EXT2: variants seen among roughly 807,000 people sequenced by gnomAD.
EXT2 encodes the protein exostosin-2.
In EXT2, 53 loss-of-function variants were observed where a neutral mutation model predicts 81.6. The ratio of observed to expected loss-of-function variants is 0.65; its 90% CI spans 0.52 to 0.82. EXT2 has a LOEUF of 0.82. Ranked by LOEUF, EXT2 falls within the 40% of genes least tolerant of loss-of-function variation. EXT2 has a pLI of 0.00. For synonymous variants in EXT2, 320 were observed against 340.0 expected, an observed-to-expected ratio of 0.94 and a Z score of 0.65; for missense variants, 774 against 910.2, an observed-to-expected ratio of 0.85 and a Z score of 1.93.
intron 4 of EXT2, among the ~76,000 whole-genome samples, chr11:44,123,102 G>C (rs972047943): frequency 1.3e-5 from 2 of 152,192 alleles, no homozygotes; most frequent in Admixed American, 6.5e-5. Context: ...TGTATGACTA[G>C]TCTAGCTGGC....
intron 10 of EXT2, among the ~76,000 whole-genome samples, chr11:44,218,708 G>A (rs951446410): frequency 1.3e-5 from 2 of 148,916 alleles, no homozygotes; most frequent in African/African-American, 5.0e-5. Context: ...GCTGTATAAC[G>A]TTTATATTTT....
chr11:44,219,207 A>G (rs1955755114), intron 10 of EXT2, among the ~76,000 whole-genome samples: 1 of 152,182 alleles, frequency 6.6e-6, no homozygotes, highest in Non-Finnish European at 1.5e-5. Context: ...ACCTCCTTTA[A>G]AAACTAGCAG....
At chr11:44,114,103 A>G in intron 3 of EXT2, 82 bp from the exon 4 acceptor site, 4 of 1,214,456 alleles carry the variant, frequency 3.3e-6, no homozygotes, top group Non-Finnish European at 4.9e-6. Flanking sequence ...ATAAAGACTC[A>G]GTAATTCCTG....
chr11:44,216,520 C>T (rs962954161), intron 10 of EXT2, among the ~76,000 whole-genome samples: 2 of 151,904 alleles, frequency 1.3e-5, no homozygotes, highest in African/African-American at 2.4e-5. Flanking sequence ...GAGAGAGAGC[C>T]GAATATGGTG....
chr11:44,210,710 C>T (rs1264771201), intron 10 of EXT2, among the ~76,000 whole-genome samples: 3 of 152,128 alleles, frequency 2.0e-5, no homozygotes, highest in African/African-American at 7.2e-5. Context: ...GTTACTTATA[C>T]TCTAGCAGTA....
chr11:44,129,579 G>A (rs916686425), intron 6 of EXT2, among the ~76,000 whole-genome samples: 2 of 152,210 alleles, frequency 1.3e-5, no homozygotes, highest in African/African-American at 4.8e-5. Context: ...TCACTGTTGG[G>A]TTAGCACATA....
intron 7 of EXT2, among the ~76,000 whole-genome samples, chr11:44,166,276 T>C (rs1181533228): frequency 6.6e-6 from 1 of 152,142 alleles, no homozygotes; most frequent in East Asian, 1.9e-4. Flanking sequence ...TCAGTAAAGG[T>C]TTCATAGGGA....
At chr11:44,193,557 C>G (rs571353813) in intron 8 of EXT2, among the ~76,000 whole-genome samples, 14 of 152,278 alleles carry the variant, frequency 9.2e-5, no homozygotes, top group Middle Eastern at 6.8e-3. Context: ...ACCTGGATTC[C>G]GATTAAGAAC....
chr11:44,213,240 A>G (rs1444396987), intron 10 of EXT2, among the ~76,000 whole-genome samples: 1 of 152,210 alleles, frequency 6.6e-6, no homozygotes, highest in Non-Finnish European at 1.5e-5. Flanking sequence ...AGAAAGCTAA[A>G]TTAGTTAAAT....
chr11:44,225,382 G>A (rs776326617), intron 10 of EXT2, among the ~76,000 whole-genome samples: 1 of 152,156 alleles, frequency 6.6e-6, no homozygotes. Context: ...TCTTTTAATG[G>A]TGTGAGCATA....
chr11:44,202,793 T>A (rs1436979612), intron 9 of EXT2, among the ~76,000 whole-genome samples: 1 of 152,224 alleles, frequency 6.6e-6, no homozygotes, highest in Non-Finnish European at 1.5e-5. Flanking sequence ...TTCTTCATAG[T>A]TGAAGAAGCA....
intron 4 of EXT2, among the ~76,000 whole-genome samples, chr11:44,123,603 C>T (rs927233290): frequency 6.6e-5 from 10 of 152,140 alleles, no homozygotes; most frequent in African/African-American, 1.4e-4. Context: ...GGAGTATTTG[C>T]GTTATACTCT....
intron 7 of EXT2, among the ~76,000 whole-genome samples, chr11:44,131,947 AG>A (rs1954499216): frequency 6.6e-6 from 1 of 152,212 alleles, no homozygotes; most frequent in South Asian, 2.1e-4. Flanking sequence ...CATGTTGGCC[AG>A]GCTGGTCGAA....
At chr11:44,144,380 C>A (rs1245937536) in intron 7 of EXT2, 1 of 1,505,946 alleles carries the variant, frequency 6.6e-7, no homozygotes, top group Non-Finnish European at 9.1e-7. Flanking sequence ...AGAAATGAAT[C>A]TCTAGTCTCT....
At chr11:44,225,943 C>T (rs150949938) in intron 10 of EXT2, among the ~76,000 whole-genome samples, 1 of 152,336 alleles carries the variant, frequency 6.6e-6, no homozygotes, top group Non-Finnish European at 1.5e-5. Context: ...CCACAGAAGG[C>T]TCATGGTTAT....
chr11:44,246,822 C>T lies in EXT2; in HGVS notation c.*2535C>T, dbSNP rs1418394658. On this transcript the variant is annotated 3_prime_UTR_variant, in exon 14 of 14. Coordinates refer to ENST00000533608, the MANE Select transcript of EXT2 (RefSeq NM_207122.2). ...TAAGCTTAGGTCAGGATCATCTGTC[C>T]TCGGGATGCCATAGAGCCTGGTTTC... is the stretch of plus-strand genomic sequence containing the variant. Among the ~76,000 whole-genome samples the T allele has an allele frequency of 2.6e-5, 4 of 152,240 alleles. No homozygotes were observed. The highest frequency in any genetic ancestry group is 1.5e-5 in the Non-Finnish European group (1 of 68,036).
intron 4 of EXT2, among the ~76,000 whole-genome samples, chr11:44,114,632 CGAA>C (rs1202750666): frequency 6.6e-6 from 1 of 152,108 alleles, no homozygotes. Context: ...GTCTGCTCCC[CGAA>C]TCCTCCTCCT....
intron 10 of EXT2, among the ~76,000 whole-genome samples, chr11:44,224,738 T>C (rs1216796944): frequency 6.6e-6 from 1 of 152,244 alleles, no homozygotes; most frequent in Non-Finnish European, 1.5e-5. Flanking sequence ...GGGGATATGC[T>C]GTAGTGTCCC....
At chr11:44,214,589 ATG>A (rs1319148789) in intron 10 of EXT2, among the ~76,000 whole-genome samples, 1 of 152,198 alleles carries the variant, frequency 6.6e-6, no homozygotes, top group Non-Finnish European at 1.5e-5. Context: ...AAATTACAAA[ATG>A]TATTGGTATA....
Sources: gnomAD v4.1 joint callset for allele counts (sites outside exome capture counted in the v4.1 genomes callset) on GRCh38, gnomAD v4.1.1 for gene constraint, MANE v1.5 for transcripts, NCBI Gene and HGNC (gene_info 2026-07-23, HGNC 2026-07-21) for gene names.